MECR: variants seen among roughly 807,000 people sequenced by gnomAD.
The protein encoded by MECR is enoyl-[acyl-carrier-protein] reductase, mitochondrial.
Under a neutral mutation model 49.1 loss-of-function variants are expected in MECR, and 37 were observed. The observed-to-expected ratio is 0.75, with a 90% CI of 0.58 to 0.99. MECR has a LOEUF of 0.99. Ranked by LOEUF, MECR falls within the 50% of genes least tolerant of loss-of-function variation. MECR has a pLI of 0.00. For synonymous variants in MECR, 198 were observed against 191.1 expected, an observed-to-expected ratio of 1.04 and a Z score of -0.30; for missense variants, 470 against 479.6, an observed-to-expected ratio of 0.98 and a Z score of 0.19.
chr1:29,168,191 A>ATTT, the MECR span, among the ~76,000 whole-genome samples: 4 of 134,964 alleles, frequency 3.0e-5, no homozygotes, highest in East Asian at 2.3e-4. Context: ...ATTTTTTGTA[A>ATTT]TTTTTTTTTT....
chr1:29,209,506 CAG>C (rs145850575), intron 3 of MECR, among the ~76,000 whole-genome samples: 2,836 of 152,132 alleles, frequency 0.019, 42 homozygotes, highest in Admixed American at 0.036. Flanking sequence ...GCGTGGAAGC[CAG>C]AGGTCTTTGT....
At chr1:29,226,990 A>G (rs963061832) in intron 1 of MECR, among the ~76,000 whole-genome samples, 1 of 119,640 alleles carries the variant, frequency 8.4e-6, no homozygotes, top group African/African-American at 3.3e-5. Context: ...ACACAGCCTC[A>G]CTCTGTCGCT....
chr1:29,177,725 C>A, the MECR span, among the ~76,000 whole-genome samples: 72 of 152,158 alleles, frequency 4.7e-4, no homozygotes, highest in Admixed American at 9.2e-4. Context: ...AGAACAGTGG[C>A]AATCTACATT....
At chr1:29,216,338 T>C (rs1216796024) in intron 2 of MECR, among the ~76,000 whole-genome samples, 1 of 152,094 alleles carries the variant, frequency 6.6e-6, no homozygotes, top group Non-Finnish European at 1.5e-5. Context: ...TCAGGTAACA[T>C]ATGAAATGAA....
At position 29,193,256 on chromosome 1, in the gene MECR, T is replaced by C. The variant is rs79485222; in HGVS notation, c.*766A>G. ...CACCGCGCCAGGCCTTGGGTAATTCTTTGTTGCAGTAGACTGTTCTGTGTC... is the reference window on the plus strand; with the variant it reads ...CACCGCGCCAGGCCTTGGGTAATTCCTTGTTGCAGTAGACTGTTCTGTGTC... On this transcript the variant is annotated 3_prime_UTR_variant, in exon 10 of 10. Transcript: ENST00000263702. 8.6e-3 allele frequency: 1,601 copies of C among 186,472 alleles called. 30 individuals are homozygous for C. Among genetic ancestry groups the C allele is most frequent in the African/African-American group, 0.036 (1,505 of 41,678 alleles). 11.6% of individuals were successfully genotyped at this position (186,472 alleles called of 1,614,324 possible).
chr1:29,217,189 C>G (rs1239944540), intron 1 of MECR, among the ~76,000 whole-genome samples: 1 of 132,718 alleles, frequency 7.5e-6, no homozygotes, highest in Non-Finnish European at 1.6e-5. Flanking sequence ...CTCTCATTAA[C>G]TGCAAGTGGA....
At position 29,216,149 on chromosome 1, in the gene MECR, A is replaced by G. The variant is rs1679349203; in HGVS notation, c.275-13T>C. On this transcript the variant is annotated splice_polypyrimidine_tract_variant and intron_variant, in intron 2 of 9. Transcript: ENST00000263702. The stretch of plus-strand genomic sequence containing the variant: ...AATCCGTAGTTTCCTGAGGGAGAAG[A>G]GCATTAAAGGGTCAACCAGTGATGT... The G allele has an allele frequency of 6.2e-7, 1 of 1,613,480 alleles. No individual in the cohort carries two copies. Among genetic ancestry groups the G allele is most frequent in the Non-Finnish European group, 8.5e-7 (1 of 1,179,598 alleles).
chr1:29,227,209 C>T (rs1340476754), intron 1 of MECR, among the ~76,000 whole-genome samples: 4 of 151,912 alleles, frequency 2.6e-5, no homozygotes, highest in African/African-American at 4.8e-5. Context: ...GTGATCCGCC[C>T]GCCTCGGCCT....
chr1:29,168,286 C>T, the MECR span, among the ~76,000 whole-genome samples: 1 of 151,796 alleles, frequency 6.6e-6, no homozygotes, highest in Non-Finnish European at 1.5e-5. Context: ...CTGCCTTGGC[C>T]TCCCAAAGTG....
the MECR span, among the ~76,000 whole-genome samples, chr1:29,180,069 T>C: frequency 6.6e-6 from 1 of 152,222 alleles, no homozygotes; most frequent in Non-Finnish European, 1.5e-5. Context: ...CTAAGCCAAA[T>C]GCTTTACATT....
chr1:29,172,228 C>T, the MECR span: 1 of 152,078 alleles, frequency 6.6e-6, no homozygotes, highest in Admixed American at 6.6e-5. Flanking sequence ...ATAGTCCTAT[C>T]TCTATTTATT....
the MECR span, chr1:29,168,673 G>T: frequency 6.6e-6 from 1 of 152,156 alleles, no homozygotes; most frequent in Non-Finnish European, 1.5e-5. Flanking sequence ...ATTATTCTGT[G>T]CAATCCCCAT....
At chr1:29,184,093 TGGTC>T in the MECR span, among the ~76,000 whole-genome samples, 1 of 150,770 alleles carries the variant, frequency 6.6e-6, no homozygotes, top group Non-Finnish European at 1.5e-5. Context: ...TTGGCCAGGC[TGGTC>T]TTGATCTCCT....
Position 29,194,087 on chromosome 1 carries a change from A to G in MECR, c.1057T>C (p.Tyr353His). 6.2e-7 allele frequency: 1 copy of G among 1,614,116 alleles called. No individual in the cohort carries two copies. The highest frequency in any genetic ancestry group is 1.7e-5 in the Admixed American group (1 of 60,026). ...ATGGAGGCTTCCAAGGCAGACTGGT[A>G]GTCCTGCAGCGGGACCTGGGAGCAG... ...PACSQVPLQD[Y>H]QSALEASMKP... The change falls in exon 10 of 10, where the codon TAC becomes CAC. Residue 353 changes from tyrosine to histidine, a missense_variant. Coordinates refer to ENST00000263702, the MANE Select transcript of MECR (RefSeq NM_016011.5).
At chr1:29,203,346 C>A (rs991627222) in intron 4 of MECR, 113 bp from the exon 5 acceptor site, 1 of 725,410 alleles carries the variant, frequency 1.4e-6, no homozygotes, top group African/African-American at 1.8e-5. Flanking sequence ...TCAACAGGGA[C>A]CCAGGACCTG....
chr1:29,218,128 T>C (rs1047050383), intron 1 of MECR, among the ~76,000 whole-genome samples: 6 of 152,236 alleles, frequency 3.9e-5, no homozygotes, highest in African/African-American at 2.4e-5. Context: ...TTGGACACCA[T>C]GGTGGCAACA....
At chr1:29,197,826 C>T (rs1430887560) in intron 7 of MECR, among the ~76,000 whole-genome samples, 1 of 152,222 alleles carries the variant, frequency 6.6e-6, no homozygotes, top group African/African-American at 2.4e-5. Context: ...AGGCACAGTT[C>T]TAAGCATTTT....
the MECR span, chr1:29,169,758 A>G: frequency 6.6e-6 from 1 of 152,234 alleles, no homozygotes; most frequent in Non-Finnish European, 1.5e-5. Flanking sequence ...ATTGCAGATA[A>G]CAGCCCATCT....
intron 1 of MECR, among the ~76,000 whole-genome samples, chr1:29,229,483 C>T (rs1262574769): frequency 6.6e-6 from 1 of 152,196 alleles, no homozygotes; most frequent in Non-Finnish European, 1.5e-5. Context: ...GGATTACAGG[C>T]GTGAGCCACC....
Sources: allele counts gnomAD v4.1 joint callset (sites outside exome capture counted in the v4.1 genomes callset), GRCh38; gene constraint gnomAD v4.1.1; transcripts MANE v1.5; gene names NCBI Gene and HGNC (gene_info 2026-07-23, HGNC 2026-07-21).